WDR27: variants seen among roughly 807,000 people sequenced by gnomAD.
The protein encoded by WDR27 is WD repeat-containing protein 27.
A neutral mutation model predicts 114.4 loss-of-function variants in WDR27; 100 were observed. The ratio of observed to expected loss-of-function variants is 0.87; its 90% confidence interval spans 0.74 to 1.03. The LOEUF is 1.03. Among genes scored for constraint, WDR27 ranks in the 50% least tolerant of loss-of-function variants. The pLI is 0.00. For missense variants in WDR27, 1,129 were observed against 1,092.9 expected (o/e 1.03, Z -0.47); for synonymous variants, 449 against 423.1 (o/e 1.06, Z -0.75).
intron 25 of WDR27, among the ~76,000 whole-genome samples, chr6:169,535,793 G>GT (rs1796133765): frequency 6.6e-6 from 1 of 152,206 alleles, no homozygotes; most frequent in South Asian, 2.1e-4. Context: ...AGGTTAGAGA[G>GT]TACAGGTTTC....
At chr6:169,468,856 G>T (rs1228451161) in intron 25 of WDR27, among the ~76,000 whole-genome samples, 1 of 152,192 alleles carries the variant, frequency 6.6e-6, no homozygotes, top group Non-Finnish European at 1.5e-5. Flanking sequence ...ACTTGGTTGA[G>T]TTCTGGTGAT....
At chr6:169,636,696 G>A (rs773623992) in intron 18 of WDR27, among the ~76,000 whole-genome samples, 192 bp from the exon 19 acceptor site, 8 of 152,282 alleles carry the variant, frequency 5.3e-5, no homozygotes, top group East Asian at 1.9e-4. Context: ...TGATTAAAAT[G>A]TTACTGTAAT....
the WDR27 span, among the ~76,000 whole-genome samples, chr6:169,448,426 A>G: frequency 2.2e-4 from 25 of 115,792 alleles, no homozygotes; most frequent in African/African-American, 6.3e-4. Context: ...GTGTATGTAT[A>G]TATATATATT....
At chr6:169,578,567 G>A (rs911867341) in intron 24 of WDR27, among the ~76,000 whole-genome samples, 8 of 152,180 alleles carry the variant, frequency 5.3e-5, no homozygotes, top group African/African-American at 9.6e-5. Flanking sequence ...CCAGGGGGGC[G>A]AAAGTGCATG....
chr6:169,521,882 AAAG>A (rs1358108984), intron 25 of WDR27, among the ~76,000 whole-genome samples: 1 of 152,042 alleles, frequency 6.6e-6, no homozygotes, highest in Non-Finnish European at 1.5e-5. Context: ...AGAAAGAAAA[AAAG>A]AAGAGAGGGG....
intron 25 of WDR27, among the ~76,000 whole-genome samples, chr6:169,527,899 C>A (rs1238292128): frequency 6.6e-6 from 1 of 152,058 alleles, no homozygotes; most frequent in Non-Finnish European, 1.5e-5. Flanking sequence ...GATAGACTGG[C>A]TTTGAAATGA....
intron 25 of WDR27, among the ~76,000 whole-genome samples, chr6:169,473,118 C>A (rs1388708333): frequency 6.6e-6 from 1 of 152,078 alleles, no homozygotes. Context: ...AAAATGGCAA[C>A]AAAGAAAAAG....
At chr6:169,620,293 C>G (rs1261076926) in intron 21 of WDR27, among the ~76,000 whole-genome samples, 1 of 152,138 alleles carries the variant, frequency 6.6e-6, no homozygotes, top group East Asian at 1.9e-4. Flanking sequence ...AACCTGCCTC[C>G]CATTCTATTC....
At chr6:169,658,548 C>T (rs1427542137) in intron 12 of WDR27, among the ~76,000 whole-genome samples, 190 bp from the exon 13 acceptor site, 1 of 152,100 alleles carries the variant, frequency 6.6e-6, no homozygotes, top group African/African-American at 2.4e-5. Flanking sequence ...TTAATAAAAG[C>T]GCTGTTTTAT....
At chr6:169,455,709 CT>C (rs2115237245), downstream of WDR27, among the ~76,000 whole-genome samples, 1 of 152,324 alleles carries the variant, frequency 6.6e-6, no homozygotes, top group South Asian at 2.1e-4. Flanking sequence ...TGCCCCCTGG[CT>C]TTGTTCTCTG....
Position 169,582,845 on chromosome 6 carries a change from T to C in WDR27, c.2514A>G (p.Ser838=), listed in dbSNP as rs777396430. The change falls in exon 24 of 26, where the codon TCA becomes TCG. Residue 838 remains serine, a synonymous_variant. Coordinates refer to ENST00000448612, the MANE Select transcript of WDR27 (RefSeq NM_182552.5). ...DTVTGVAFNP[S]APQMESRSVA... ...CTCAGCAAGACTGTACCTGGGGCGCTGATGGGTTGAAGGCCACTCCAGTGA... is the reference window on the plus strand; with the variant it reads ...CTCAGCAAGACTGTACCTGGGGCGCCGATGGGTTGAAGGCCACTCCAGTGA... 2 of 1,613,764 alleles carry C rather than the reference T, an allele frequency of 1.2e-6. No homozygotes were observed. Among genetic ancestry groups the C allele is most frequent in the South Asian group, 1.1e-5 (1 of 90,988 alleles).
intron 22 of WDR27, among the ~76,000 whole-genome samples, chr6:169,612,374 C>G (rs1481681497): frequency 6.6e-6 from 1 of 152,174 alleles, no homozygotes; most frequent in Non-Finnish European, 1.5e-5. Flanking sequence ...GAGCTGAGAT[C>G]GCGCCACTGC....
the WDR27 span, among the ~76,000 whole-genome samples, chr6:169,444,169 C>T: frequency 6.6e-6 from 1 of 152,176 alleles, no homozygotes; most frequent in East Asian, 1.9e-4. Context: ...TCCCTATTTG[C>T]CCATATCCTT....
downstream of WDR27, among the ~76,000 whole-genome samples, chr6:169,455,818 G>A (rs1473102043): frequency 6.6e-6 from 1 of 152,346 alleles, no homozygotes; most frequent in East Asian, 1.9e-4. Context: ...TCCTAGCAGT[G>A]GCTTTGCCAA....
the WDR27 span, among the ~76,000 whole-genome samples, chr6:169,427,711 G>C: frequency 1.2e-4 from 18 of 151,486 alleles, no homozygotes; most frequent in Admixed American, 1.2e-3. Flanking sequence ...CCCAGGGCCT[G>C]TGTGGAGAAA....
intron 2 of WDR27, among the ~76,000 whole-genome samples, chr6:169,687,655 T>A (rs1419887015): frequency 1.3e-5 from 2 of 152,204 alleles, no homozygotes; most frequent in Non-Finnish European, 2.9e-5. Flanking sequence ...CTTAGCATTA[T>A]CTACTGAATA....
At chr6:169,587,032 C>T (rs1375075118) in intron 23 of WDR27, among the ~76,000 whole-genome samples, 1 of 151,604 alleles carries the variant, frequency 6.6e-6, no homozygotes, top group South Asian at 2.1e-4. Context: ...GCCCCGATCA[C>T]AAGCTCAGCT....
intron 25 of WDR27, among the ~76,000 whole-genome samples, chr6:169,526,955 C>A (rs947635600): frequency 6.6e-5 from 10 of 152,106 alleles, no homozygotes; most frequent in African/African-American, 1.9e-4. Context: ...CCCTGAGGTA[C>A]CACTCCGCAT....
chr6:169,528,169 GTTC>G (rs1040260430), intron 25 of WDR27, among the ~76,000 whole-genome samples: 12 of 152,200 alleles, frequency 7.9e-5, no homozygotes, highest in African/African-American at 2.6e-4. Flanking sequence ...TATTAATAAA[GTTC>G]TTCTACATCT....
Sources: allele counts gnomAD v4.1 joint callset (sites outside exome capture counted in the v4.1 genomes callset), GRCh38; gene constraint gnomAD v4.1.1; transcripts MANE v1.5; gene names NCBI Gene and HGNC (gene_info 2026-07-23, HGNC 2026-07-21).